The following SERPINB12 variants were observed in gnomAD, a reference collection of about 807,000 sequenced individuals.
SERPINB12 encodes the protein serpin family B member 12, also known as serpin B12.
SERPINB12 carries 57 observed loss-of-function variants against 41.1 expected under a neutral mutation model. That is an observed-to-expected ratio of 1.39 (90% CI 1.12 to 1.73). SERPINB12 has a LOEUF of 1.73. Ranked by LOEUF, SERPINB12 falls within the 40% of genes most tolerant of loss-of-function variation. The pLI is 0.00. For missense variants in SERPINB12, 536 were observed against 501.9 expected (o/e 1.07, Z -0.65); for synonymous variants, 180 against 181.3 (o/e 0.99, Z 0.06).
chr18:63,560,166 G>T (rs1480068558), intron 4 of SERPINB12, among the ~76,000 whole-genome samples: 1 of 152,166 alleles, frequency 6.6e-6, no homozygotes, highest in Non-Finnish European at 1.5e-5. Context: ...GCTCTTTTGA[G>T]AGTGGGGTAG....
At chr18:63,556,683 T>C (rs1272997576) in intron 2 of SERPINB12, among the ~76,000 whole-genome samples, 3 of 152,254 alleles carry the variant, frequency 2.0e-5, no homozygotes, top group Admixed American at 6.5e-5. Context: ...ATATGTCTTC[T>C]GTCTCACTCA....
chr18:63,532,677 G>C, the SERPINB12 span, among the ~76,000 whole-genome samples: 1 of 152,168 alleles, frequency 6.6e-6, no homozygotes, highest in Admixed American at 6.5e-5. Context: ...CTCTATGGTA[G>C]ATGCAAATGA....
intron 3 of SERPINB12, among the ~76,000 whole-genome samples, chr18:63,559,003 C>CTTTCTTTCT (rs1491386715): frequency 0.035 from 2,708 of 78,476 alleles, 229 homozygotes; most frequent in African/African-American, 0.084. Flanking sequence ...TCTTTCCTTC[C>CTTTCTTTCT]TTCTTTCTTT....
the SERPINB12 span, among the ~76,000 whole-genome samples, chr18:63,524,295 C>CT: frequency 6.6e-6 from 1 of 151,816 alleles, no homozygotes; most frequent in Non-Finnish European, 1.5e-5. Flanking sequence ...TTCTTTCTTT[C>CT]TTTTTTTTCT....
chr18:63,565,331 T>G (rs1911058334), intron 6 of SERPINB12, 114 bp from the exon 7 acceptor site: 1 of 949,998 alleles, frequency 1.1e-6, no homozygotes, highest in Non-Finnish European at 1.6e-6. Flanking sequence ...GCTCAGGACT[T>G]CTCCTGCAGA....
chr18:63,528,478 G>A, the SERPINB12 span, among the ~76,000 whole-genome samples: 2 of 152,034 alleles, frequency 1.3e-5, no homozygotes, highest in African/African-American at 2.4e-5. Context: ...TGTTTTAGAT[G>A]GTGGATACTG....
chr18:63,538,889 GTGTAT>G (rs2144541284), upstream of SERPINB12, among the ~76,000 whole-genome samples: 1 of 152,256 alleles, frequency 6.6e-6, no homozygotes, highest in Non-Finnish European at 1.5e-5. Context: ...CCATCCCAGT[GTGTAT>G]AAAGCGGTAT....
At position 63,568,461 on chromosome 18, in the gene SERPINB12, A is replaced by AG. The variant is rs1219549610; in HGVS notation, c.*1451dup. ...CAAGAAGGCCATTGGGCTCATCTCA[A>AG]GCTCTAGTCTACTGAAGGCCTGACC... On this transcript the variant is annotated 3_prime_UTR_variant, in exon 8 of 8. Coordinates refer to ENST00000382768, the MANE Select transcript of SERPINB12 (RefSeq NM_001307928.2). Among the ~76,000 whole-genome samples, 3 of 152,126 alleles carry AG rather than the reference A, an allele frequency of 2.0e-5. No individual in the cohort carries two copies. The highest frequency in any genetic ancestry group is 4.4e-5 in the Non-Finnish European group (3 of 67,988).
At chr18:63,536,967 C>T in the SERPINB12 span, among the ~76,000 whole-genome samples, 12 of 151,820 alleles carry the variant, frequency 7.9e-5, no homozygotes, top group Non-Finnish European at 1.0e-4. Flanking sequence ...TACCTCACAT[C>T]GTAGACCAAA....
chr18:63,557,955 T>C (rs564698723), intron 2 of SERPINB12, among the ~76,000 whole-genome samples: 1 of 152,372 alleles, frequency 6.6e-6, no homozygotes, highest in East Asian at 1.9e-4. Context: ...AAATATCATA[T>C]CCACATATCA....
chr18:63,560,317 T>C (rs1037206735), intron 4 of SERPINB12, among the ~76,000 whole-genome samples: 4 of 152,186 alleles, frequency 2.6e-5, no homozygotes, highest in Non-Finnish European at 5.9e-5. Flanking sequence ...AGCCATGTGC[T>C]AAATAATAAA....
intron 1 of SERPINB12, among the ~76,000 whole-genome samples, chr18:63,549,693 G>A (rs1324666753): frequency 1.3e-5 from 2 of 152,184 alleles, no homozygotes; most frequent in Non-Finnish European, 2.9e-5. Flanking sequence ...CTTGAGATGT[G>A]CCTTCCAGAG....
the SERPINB12 span, among the ~76,000 whole-genome samples, chr18:63,524,781 G>A: frequency 1.0e-5 from 1 of 98,514 alleles, no homozygotes. Flanking sequence ...TGACAGTCTT[G>A]CTCTGTCACC....
chr18:63,521,525 G>A, the SERPINB12 span, among the ~76,000 whole-genome samples: 1 of 152,146 alleles, frequency 6.6e-6, no homozygotes, highest in Admixed American at 6.5e-5. Context: ...GTCAAGTTCA[G>A]TTTTTGTCTA....
At chr18:63,546,247 G>A (rs944485997) in intron 1 of SERPINB12, among the ~76,000 whole-genome samples, 1 of 152,186 alleles carries the variant, frequency 6.6e-6, no homozygotes, top group Non-Finnish European at 1.5e-5. Flanking sequence ...AGACATGTCA[G>A]TTCCTGGAGT....
chr18:63,566,882 TG>T lies in SERPINB12; in HGVS notation c.1153del (p.Ala385LeufsTer68). On this transcript the variant is annotated frameshift_variant, in exon 8 of 8. Coordinates refer to ENST00000382768, the MANE Select transcript of SERPINB12 (RefSeq NM_001307928.2). LOFTEE classifies it high-confidence loss of function. Reference sequence around the variant, plus strand: ...ACGGTACCCAGGCAGCTGCAGCCACTGGGGCTGTTGTCTCGGAAAGGTCACT... The same window carrying T: ...ACGGTACCCAGGCAGCTGCAGCCACTGGGCTGTTGTCTCGGAAAGGTCACT... ...ENGTQAAAATGAVVSERSLRS... is the reference protein window; with the variant it reads ...ENGTQAAAATXAVVSERSLRS... 2 of 1,614,212 alleles carry T rather than the reference TG, an allele frequency of 1.2e-6. No individual in the cohort carries two copies. The highest frequency in any genetic ancestry group is 1.7e-6 in the Non-Finnish European group (2 of 1,180,032).
the SERPINB12 span, among the ~76,000 whole-genome samples, chr18:63,531,404 A>G: frequency 1.3e-4 from 20 of 152,206 alleles, no homozygotes; most frequent in African/African-American, 3.6e-4. Flanking sequence ...AATTTTTACT[A>G]TCAAACTCAG....
Position 63,565,370 on chromosome 18 carries a change from T to G in SERPINB12, c.706-75T>G. ...TTCTCATCTTTAGGAACCCCTGTCC[T>G]CCGTGAAGCTGGGGCCATATGAATT... On this transcript the variant is annotated intron_variant, in intron 6 of 7. Coordinates refer to ENST00000382768, the MANE Select transcript of SERPINB12 (RefSeq NM_001307928.2). The G allele has an allele frequency of 2.2e-6, 3 of 1,381,188 alleles. 1 individual carries two copies. The highest frequency in any genetic ancestry group is 3.0e-6 in the Non-Finnish European group (3 of 1,005,836). The allele number at this position is 1,381,188 out of a possible 1,614,324, so 85.6% of individuals were successfully genotyped here.
Position 63,567,040 on chromosome 18 carries a change from C to T in SERPINB12, c.*29C>T, listed in dbSNP as rs753877065. ...GGGAGCAGTGTCTAGTACTTTGGAG[C>T]TGGAGGAAAATATCAATACAATCTT... On this transcript the variant is annotated 3_prime_UTR_variant, in exon 8 of 8. Transcript: ENST00000382768. 8 of 1,521,154 alleles carry T rather than the reference C, an allele frequency of 5.3e-6. No individual in the cohort carries two copies. In the Admixed American group the frequency reaches 1.6e-4, roughly 30 times the overall value. 94.2% of individuals were successfully genotyped at this position (1,521,154 alleles called of 1,614,324 possible).
Sources: allele counts gnomAD v4.1 joint callset (sites outside exome capture counted in the v4.1 genomes callset), GRCh38; gene constraint gnomAD v4.1.1; transcripts MANE v1.5; gene names NCBI Gene and HGNC (gene_info 2026-07-23, HGNC 2026-07-21).